COMMD1: variants seen among roughly 807,000 people sequenced by gnomAD.
COMMD1 encodes the protein copper metabolism domain containing 1.
COMMD1 carries 10 observed loss-of-function variants against 17.2 expected under a neutral mutation model. The ratio of observed to expected loss-of-function variants is 0.58; its 90% CI spans 0.36 to 0.99. The LOEUF (loss-of-function observed/expected upper bound fraction) is 0.99, where lower values mean the gene tolerates loss of function less well. COMMD1 is among the 50% of genes least tolerant of loss of function. COMMD1 has a pLI of 0.01. For synonymous variants in COMMD1, 97 were observed against 91.6 expected, an observed-to-expected ratio of 1.06 and a Z score of -0.34; for missense variants, 270 against 231.8, an observed-to-expected ratio of 1.17 and a Z score of -1.07.
rs116726035 is a variant in COMMD1, at chr2:62,122,243, C to T, written c.463-13588C>T. Among the ~76,000 whole-genome samples the T allele has an allele frequency of 2.5e-3, 380 of 152,242 alleles. 3 individuals carry two copies. The highest frequency in any genetic ancestry group is 8.3e-3 in the African/African-American group (343 of 41,540). ...CCCTTTGTAAATGCTTAAGTGCTGG[C>T]GCTTACGTAAATCAATACGGAATCA... is the stretch of plus-strand genomic sequence containing the variant. On this transcript the variant is annotated intron_variant, in intron 2 of 2. Coordinates refer to ENST00000311832, the MANE Select transcript of COMMD1 (RefSeq NM_152516.4).
intron 2 of COMMD1, among the ~76,000 whole-genome samples, chr2:62,040,329 C>A (rs1670154541): frequency 6.6e-6 from 1 of 152,092 alleles, no homozygotes. Flanking sequence ...TAAATGAAGA[C>A]AAAGGTCATA....
intron 1 of COMMD1, among the ~76,000 whole-genome samples, chr2:61,970,343 A>C (rs150301983): frequency 2.0e-5 from 3 of 152,010 alleles, no homozygotes; most frequent in Non-Finnish European, 4.4e-5. Flanking sequence ...ATTAAAAAGG[A>C]TATACAGTTG....
At chr2:62,033,585 T>TAA (rs569138796) in intron 2 of COMMD1, among the ~76,000 whole-genome samples, 2 of 148,092 alleles carry the variant, frequency 1.4e-5, no homozygotes, top group Non-Finnish European at 3.0e-5. Context: ...TCTGTAAAAT[T>TAA]AAAAAAAAAA....
At chr2:62,119,488 T>C (rs907502740) in intron 2 of COMMD1, among the ~76,000 whole-genome samples, 5 of 152,036 alleles carry the variant, frequency 3.3e-5, no homozygotes, top group Non-Finnish European at 7.4e-5. Flanking sequence ...AAAAACAAAA[T>C]CCAAAACTTT....
chr2:61,922,638 T>C (rs1670228709), intron 1 of COMMD1, among the ~76,000 whole-genome samples: 1 of 152,202 alleles, frequency 6.6e-6, no homozygotes, highest in African/African-American at 2.4e-5. Flanking sequence ...AGTTTTATTA[T>C]AAAAATTTGC....
chr2:62,102,117 G>A (rs1672198926), intron 2 of COMMD1, among the ~76,000 whole-genome samples: 1 of 152,184 alleles, frequency 6.6e-6, no homozygotes, highest in Non-Finnish European at 1.5e-5. Context: ...TAGGAGCTGT[G>A]TGTGAGAAAC....
chr2:62,068,431 A>G (rs1671113161), intron 2 of COMMD1, among the ~76,000 whole-genome samples: 2 of 152,192 alleles, frequency 1.3e-5, no homozygotes, highest in Non-Finnish European at 2.9e-5. Flanking sequence ...ATTCTTAGAT[A>G]TAACACCAAA....
At chr2:61,994,795 A>G (rs1018343697) in intron 1 of COMMD1, among the ~76,000 whole-genome samples, 13 of 152,020 alleles carry the variant, frequency 8.6e-5, no homozygotes, top group Admixed American at 2.6e-4. Context: ...GCTGTCTGTA[A>G]CTCCAGCCTC....
At chr2:62,039,473 T>C (rs1670125427) in intron 2 of COMMD1, among the ~76,000 whole-genome samples, 1 of 152,132 alleles carries the variant, frequency 6.6e-6, no homozygotes, top group Non-Finnish European at 1.5e-5. Flanking sequence ...GAATAGCACA[T>C]TGTGGTTAGG....
At chr2:61,900,109 A>T (rs1169358110) in intron 1 of COMMD1, among the ~76,000 whole-genome samples, 5 of 152,242 alleles carry the variant, frequency 3.3e-5, no homozygotes, top group African/African-American at 1.2e-4. Context: ...TTCAGGGCCA[A>T]TGTGACTGAT....
chr2:62,044,146 C>T (rs571213915), intron 2 of COMMD1, among the ~76,000 whole-genome samples: 2 of 152,058 alleles, frequency 1.3e-5, no homozygotes, highest in African/African-American at 4.8e-5. Flanking sequence ...TTAAATATGT[C>T]AGTAATTGAA....
intron 2 of COMMD1, among the ~76,000 whole-genome samples, chr2:62,124,124 C>A (rs904950686): frequency 2.0e-5 from 3 of 152,006 alleles, no homozygotes; most frequent in African/African-American, 7.2e-5. Flanking sequence ...ATGGTGAAAC[C>A]CTGTCTCTAT....
chr2:61,916,925 C>G (rs966035035), intron 1 of COMMD1, among the ~76,000 whole-genome samples: 1 of 151,902 alleles, frequency 6.6e-6, no homozygotes, highest in African/African-American at 2.4e-5. Flanking sequence ...CATTTAACCT[C>G]TTTATATTTT....
At chr2:61,909,005 C>G (rs554777257) in intron 1 of COMMD1, among the ~76,000 whole-genome samples, 5 of 152,000 alleles carry the variant, frequency 3.3e-5, no homozygotes, top group African/African-American at 9.7e-5. Context: ...CTCGGCTCTC[C>G]GCAACCTCTG....
chr2:62,049,826 A>G (rs1670488949), intron 2 of COMMD1, among the ~76,000 whole-genome samples: 1 of 152,168 alleles, frequency 6.6e-6, no homozygotes, highest in South Asian at 2.1e-4. Context: ...TTAATGTAGT[A>G]GGGGATAATG....
At chr2:61,930,808 T>C (rs1343643787) in intron 1 of COMMD1, among the ~76,000 whole-genome samples, 1 of 151,988 alleles carries the variant, frequency 6.6e-6, no homozygotes, top group Admixed American at 6.6e-5. Context: ...ACTGAGGTAG[T>C]GTGTGTCTTT....
At chr2:62,040,316 A>G (rs986836755) in intron 2 of COMMD1, among the ~76,000 whole-genome samples, 7 of 152,196 alleles carry the variant, frequency 4.6e-5, no homozygotes, top group Non-Finnish European at 2.9e-5. Context: ...ATTTTAAGGT[A>G]AATAAATGAA....
At chr2:62,088,779 A>G (rs2103993933) in intron 2 of COMMD1, among the ~76,000 whole-genome samples, 1 of 152,358 alleles carries the variant, frequency 6.6e-6, no homozygotes, top group South Asian at 2.1e-4. Context: ...AATATGAGTG[A>G]TCATGGCCCC....
intron 1 of COMMD1, among the ~76,000 whole-genome samples, chr2:61,929,696 C>T (rs1260920161): frequency 1.3e-5 from 2 of 152,130 alleles, no homozygotes. Context: ...CTTTGGGAGC[C>T]CAAGGCAGGA....
Sources: gnomAD v4.1 joint callset for allele counts (sites outside exome capture counted in the v4.1 genomes callset) on GRCh38, gnomAD v4.1.1 for gene constraint, MANE v1.5 for transcripts, NCBI Gene and HGNC (gene_info 2026-07-23, HGNC 2026-07-21) for gene names.